The following EVC variants were observed in gnomAD, a reference collection of about 807,000 sequenced individuals.
EVC encodes the protein EvC ciliary complex subunit 1.
EVC carries 116 observed loss-of-function variants against 118.9 expected under a neutral mutation model. The ratio of observed to expected loss-of-function variants is 0.98; its 90% confidence interval spans 0.84 to 1.14. The LOEUF is 1.14. Ranked by LOEUF, EVC falls within the 50% of genes most tolerant of loss-of-function variation. The pLI, the probability that EVC is intolerant of heterozygous loss-of-function variation, is 0.00. For synonymous variants in EVC, 619 were observed against 534.7 expected, an observed-to-expected ratio of 1.16 and a Z score of -2.18; for missense variants, 1,401 against 1,246.4, an observed-to-expected ratio of 1.12 and a Z score of -1.87.
Position 5,811,945 on chromosome 4 carries a change from G to A in EVC, c.*908G>A, listed in dbSNP as rs13119698. The stretch of plus-strand genomic sequence containing the variant: ...ACTACAGCCAGGAGAGGCCTTTCCC[G>A]CCTGGAAACTTCCGGACAAGCCTCT... On this transcript the variant is annotated 3_prime_UTR_variant, in exon 21 of 21. Transcript: ENST00000264956. 0.036 allele frequency: 4,418 copies of A among 121,444 alleles called. 155 individuals carry two copies. Among genetic ancestry groups the A allele is most frequent in the Middle Eastern group, 0.12 (19 of 154 alleles). 7.5% of individuals were successfully genotyped at this position (121,444 alleles called of 1,614,324 possible).
chr4:5,818,340 C>T (rs1718004020), downstream of EVC, among the ~76,000 whole-genome samples: 1 of 152,074 alleles, frequency 6.6e-6, no homozygotes, highest in Non-Finnish European at 1.5e-5. Flanking sequence ...ACTAATACAC[C>T]AACAAATGCA....
rs1289464730 is a variant in EVC at position 5,771,499 on chromosome 4, A to G, written c.1564-12053A>G. Among the ~76,000 whole-genome samples, 4 of 152,280 alleles carry G rather than the reference A, an allele frequency of 2.6e-5. No individual in the cohort carries two copies. The East Asian group carries it at 7.7e-4, about 29-fold the overall frequency. ...GTCCCACCTGCGAAGTCTCTTTACC[A>G]TGTAAAGTTCCGTGCTCAAAGGTTC... On this transcript the variant is annotated intron_variant, in intron 11 of 20. Transcript: ENST00000264956.
chr4:5,784,773 A>G (rs1736173839), intron 12 of EVC, among the ~76,000 whole-genome samples: 1 of 151,776 alleles, frequency 6.6e-6, no homozygotes, highest in South Asian at 2.1e-4. Context: ...ACGCCTGGCT[A>G]ATTTTTGTAT....
At position 5,804,771 on chromosome 4, in the gene EVC, C is replaced by A; in HGVS notation, c.2491C>A (p.Leu831Ile). ...ENYKLRKKQE[L>I]SNPSSGSRTA... ...TTACAAACTGCGGAAAAAGCAAGAA[C>A]TCAGCAACCCTTCGTCGGGCAGCAG... The change falls in exon 17 of 21, where the codon CTC becomes ATC. Residue 831 changes from leucine (L) to isoleucine (I), a missense_variant. Transcript: ENST00000264956. The A allele has an allele frequency of 6.2e-7, 1 of 1,614,196 alleles. No individual in the cohort carries two copies. The highest frequency in any genetic ancestry group is 1.7e-5 in the Admixed American group (1 of 60,028).
Position 5,809,652 on chromosome 4 carries a change from G to A in EVC, c.2782+41G>A, listed in dbSNP as rs1450583977. ...TTGAGTTGCAGCGGGAAGCACTCTG[G>A]GCTGAGAGATACGGATTCTAGTTCC... On this transcript the variant is annotated intron_variant, in intron 19 of 20. Transcript: ENST00000264956. The A allele has an allele frequency of 3.8e-6, 6 of 1,560,164 alleles. No homozygotes were observed. In the South Asian group the frequency reaches 4.5e-5, roughly 12 times the overall value.
chr4:5,728,532 G>C (rs1726235414), intron 2 of EVC, among the ~76,000 whole-genome samples: 1 of 152,154 alleles, frequency 6.6e-6, no homozygotes, highest in Non-Finnish European at 1.5e-5. Flanking sequence ...GGGACAATTT[G>C]ACTTCCTCTT....
intron 5 of EVC, among the ~76,000 whole-genome samples, chr4:5,740,569 A>G (rs1180889654): frequency 6.6e-6 from 1 of 152,148 alleles, no homozygotes; most frequent in Non-Finnish European, 1.5e-5. Context: ...AAAGCATGAC[A>G]CACAGAAGGA....
At chr4:5,753,139 G>A in intron 9 of EVC, 87 bp downstream of exon 9, 1 of 1,293,566 alleles carries the variant, frequency 7.7e-7, no homozygotes, top group African/African-American at 1.5e-5. Flanking sequence ...GCAGCCTGGG[G>A]CAGTGTGCCC....
Position 5,753,807 on chromosome 4 carries a change from C to T in EVC, c.1338C>T (p.Asp446=). 1 of 1,614,134 alleles carries T rather than the reference C, an allele frequency of 6.2e-7. No individual in the cohort carries two copies. The highest frequency in any genetic ancestry group is 8.5e-7 in the Non-Finnish European group (1 of 1,180,028). Residue 446 remains aspartate (D), a synonymous_variant, in exon 10 of 21, where the codon GAC becomes GAT. Transcript: ENST00000264956. ...FSREFVQRGK[D]LVTASLAHQV... ...CAGAGTTTGTCCAGCGAGGCAAAGA[C>T]CTGGTCACGGCGTCTCTGGCTCACC...
the EVC span, among the ~76,000 whole-genome samples, chr4:5,827,735 A>G: frequency 9.7e-5 from 14 of 143,786 alleles, no homozygotes; most frequent in Non-Finnish European, 1.5e-4. Flanking sequence ...GTGCGCGTGC[A>G]CACACACACA....
the EVC span, chr4:5,826,014 C>T: frequency 4.9e-5 from 15 of 308,838 alleles, no homozygotes; most frequent in South Asian, 4.6e-4. Context: ...AACACGCACA[C>T]ACACTTAAAT....
At chr4:5,781,537 G>T (rs1193375264) in intron 11 of EVC, among the ~76,000 whole-genome samples, 5 of 152,028 alleles carry the variant, frequency 3.3e-5, no homozygotes, top group Non-Finnish European at 7.4e-5. Flanking sequence ...CAAAAGGAGT[G>T]GCTTTAAAAA....
Position 5,719,173 on chromosome 4 carries a change from C to A in EVC, c.175-75C>A. ...ACTGGGGGAGTTGACTGGCAAAAGT[C>A]ACGGTGGGGACCAGGCCGACTGACC... On this transcript the variant is annotated intron_variant, in intron 1 of 20. Transcript: ENST00000264956. The surrounding 1 kb of genome is among the most constrained non-coding windows in gnomAD (Gnocchi z 4.7). 1 of 1,600,908 alleles carries A rather than the reference C, an allele frequency of 6.2e-7. No homozygotes were observed. The highest frequency in any genetic ancestry group is 1.1e-5 in the South Asian group (1 of 90,490).
rs779872433 is a variant in EVC, at chr4:5,798,362, T to G, written c.2098-224T>G. ...GCCATAGATGGTACTGGGCACGCAG[T>G]TGATGCTCAATAAATGCCCTTTTTC... On this transcript the variant is annotated intron_variant, in intron 14 of 20. Coordinates refer to ENST00000264956, the MANE Select transcript of EVC (RefSeq NM_153717.3). This position sits in a 1 kb window ranked among gnomAD's most constrained non-coding sequence, Gnocchi z 4.1. Among the ~76,000 whole-genome samples, 11 of 152,210 alleles carry G rather than the reference T, an allele frequency of 7.2e-5. No individual in the cohort carries two copies. Among genetic ancestry groups the G allele is most frequent in the Admixed American group, 6.5e-5 (1 of 15,276 alleles).
chr4:5,826,133 C>G, the EVC span: 1 of 174,418 alleles, frequency 5.7e-6, no homozygotes, highest in Admixed American at 6.5e-5. Flanking sequence ...TACACACACG[C>G]ATACTCATAC....
chr4:5,725,576 AT>A (rs1201082656), intron 2 of EVC, among the ~76,000 whole-genome samples: 5 of 151,742 alleles, frequency 3.3e-5, no homozygotes, highest in Non-Finnish European at 4.4e-5. Flanking sequence ...GGGTTGTTTT[AT>A]TCTTGTAAAT....
chr4:5,745,233 G>C lies in EVC; in HGVS notation c.831G>C (p.Gln277His). The stretch of plus-strand genomic sequence containing the variant: ...TGGAGGAACTAGAAAAGGGACTTCA[G>C]GTCAAACTGTCAAACACAGAAATGT... ...KDLEELEKGL[Q>H]VKLSNTEMSG... The change falls in exon 7 of 21, where the codon CAG (glutamine) becomes CAC (histidine). Residue 277 changes from glutamine to histidine, a missense_variant. Gln to His is a conservative substitution (Grantham distance 24). Coordinates refer to ENST00000264956, the MANE Select transcript of EVC (RefSeq NM_153717.3). 1 of 1,613,810 alleles carries C rather than the reference G, an allele frequency of 6.2e-7. No homozygotes were observed. Among genetic ancestry groups the C allele is most frequent in the Non-Finnish European group, 8.5e-7 (1 of 1,179,894 alleles).
intron 2 of EVC, among the ~76,000 whole-genome samples, 176 bp from the exon 3 acceptor site, chr4:5,729,131 C>G (rs1472046292): frequency 2.6e-5 from 4 of 152,116 alleles, no homozygotes; most frequent in Non-Finnish European, 4.4e-5. Context: ...TGTTTGTCCA[C>G]CCATCCATCC....
intron 1 of EVC, among the ~76,000 whole-genome samples, chr4:5,715,326 A>G (rs1328071654): frequency 6.6e-6 from 1 of 152,248 alleles, no homozygotes; most frequent in Non-Finnish European, 1.5e-5. Flanking sequence ...CCAGACCAGC[A>G]GCATCAATAT....
Sources: allele counts gnomAD v4.1 joint callset (sites outside exome capture counted in the v4.1 genomes callset), GRCh38; gene constraint gnomAD v4.1.1; non-coding constraint Gnocchi (gnomAD v3.1); transcripts MANE v1.5; gene names NCBI Gene and HGNC (gene_info 2026-07-23, HGNC 2026-07-21).